The following PCSK5 variants were observed in gnomAD, a reference collection of about 807,000 sequenced individuals.
The protein encoded by PCSK5 is prohormone convertase 5.
PCSK5 carries 129 observed loss-of-function variants against 233.2 expected under a neutral mutation model. That is an observed-to-expected ratio of 0.55 (90% CI 0.48 to 0.64). PCSK5 has a LOEUF of 0.64. Among genes scored for constraint, PCSK5 ranks in the 30% least tolerant of loss-of-function variants. The pLI, the probability that PCSK5 is intolerant of heterozygous loss-of-function variation, is 0.00. For synonymous variants in PCSK5, 825 were observed against 879.2 expected (o/e 0.94, Z 1.09); for missense variants, 2,076 against 2,430.1 (o/e 0.85, Z 3.06).
chr9:76,315,910 G>T (rs1479828112), intron 30 of PCSK5, among the ~76,000 whole-genome samples: 2 of 147,362 alleles, frequency 1.4e-5, no homozygotes, highest in Non-Finnish European at 3.0e-5. Context: ...AGGATTACAG[G>T]CATGAGCCAC....
chr9:76,131,359 C>T (rs1822755498), intron 9 of PCSK5, among the ~76,000 whole-genome samples: 1 of 152,052 alleles, frequency 6.6e-6, no homozygotes, highest in South Asian at 2.1e-4. Flanking sequence ...ATTCCAGGTC[C>T]ACTGGTTTTT....
intron 32 of PCSK5, among the ~76,000 whole-genome samples, chr9:76,324,073 G>A (rs1463852131): frequency 6.6e-6 from 1 of 151,696 alleles, no homozygotes; most frequent in Non-Finnish European, 1.5e-5. Flanking sequence ...CTACAGGCGT[G>A]TGCCACCACG....
intron 24 of PCSK5, among the ~76,000 whole-genome samples, chr9:76,242,624 G>C (rs1564130364): frequency 6.6e-6 from 1 of 152,206 alleles, no homozygotes; most frequent in African/African-American, 2.4e-5. Context: ...TGAAGTGATA[G>C]AAGATGAGTT....
intron 7 of PCSK5, among the ~76,000 whole-genome samples, chr9:76,082,752 A>G (rs1267449692): frequency 6.6e-6 from 1 of 151,984 alleles, no homozygotes; most frequent in Non-Finnish European, 1.5e-5. Context: ...TGCAATCGAT[A>G]TTCATCAGCA....
At chr9:75,922,075 G>A (rs1823282269) in intron 1 of PCSK5, among the ~76,000 whole-genome samples, 1 of 152,190 alleles carries the variant, frequency 6.6e-6, no homozygotes, top group Non-Finnish European at 1.5e-5. Context: ...TCTGTCTGCA[G>A]TGTCTTTGGA....
intron 3 of PCSK5, among the ~76,000 whole-genome samples, chr9:75,992,761 C>G (rs1417295337): frequency 6.6e-6 from 1 of 152,094 alleles, no homozygotes. Flanking sequence ...ATTTAATATG[C>G]ATTATTTAAA....
chr9:76,163,656 TA>T (rs1822964166), intron 12 of PCSK5, among the ~76,000 whole-genome samples: 2 of 150,896 alleles, frequency 1.3e-5, no homozygotes, highest in African/African-American at 4.9e-5. Context: ...TTTACTTCCA[TA>T]AAGAGCATGG....
intron 35 of PCSK5, among the ~76,000 whole-genome samples, chr9:76,345,299 C>T (rs1829947880): frequency 6.6e-6 from 1 of 151,990 alleles, no homozygotes; most frequent in Non-Finnish European, 1.5e-5. Flanking sequence ...GTGATGCAAT[C>T]TTGGCTCACC....
chr9:76,021,294 G>A lies in PCSK5; in HGVS notation c.412-2444G>A, dbSNP rs1259298182. 9.2e-5 allele frequency among the ~76,000 whole-genome samples: 14 copies of A among 152,202 alleles called. No homozygotes were observed. In the East Asian group the frequency reaches 9.7e-4, roughly 11 times the overall value. On this transcript the variant is annotated intron_variant, in intron 3 of 37. Transcript: ENST00000674117. ...ACAGTTTGGCACAATTCACTGGGTC[G>A]TTGTTGGATTGCATAGAACAGAGAG...
chr9:75,924,943 T>G (rs1364206698), intron 1 of PCSK5, among the ~76,000 whole-genome samples: 1 of 152,156 alleles, frequency 6.6e-6, no homozygotes, highest in Non-Finnish European at 1.5e-5. Flanking sequence ...TTCTCATGTG[T>G]AGACTAGGGA....
Position 75,911,186 on chromosome 9 carries a change from C to A in PCSK5, c.192+19813C>A, listed in dbSNP as rs150818138. Among the ~76,000 whole-genome samples the A allele has an allele frequency of 1.1e-3, 127 of 117,846 alleles. 2 individuals are homozygous for A. In the East Asian group the frequency reaches 0.033, roughly 30 times the overall value. The allele number at this position is 117,846 out of a possible 152,430, so 77.3% of individuals were successfully genotyped here. A position where few individuals can be genotyped will look rare whatever the true frequency, so the allele number is the denominator to read the frequency against. ...CTATTTTGAAATAATTGATACATTG[C>A]GTGTGAACATATAGGTTTTTTTTTT... On this transcript the variant is annotated intron_variant, in intron 1 of 37. Transcript: ENST00000674117.
At chr9:76,083,510 T>G (rs1282353235) in intron 7 of PCSK5, among the ~76,000 whole-genome samples, 1 of 152,224 alleles carries the variant, frequency 6.6e-6, no homozygotes, top group East Asian at 1.9e-4. Context: ...TCAGGATCAT[T>G]GGCCCCTTTA....
Position 75,949,487 on chromosome 9 carries a change from A to G in PCSK5, c.297+17004A>G, listed in dbSNP as rs576131641. On this transcript the variant is annotated intron_variant, in intron 2 of 37. Transcript: ENST00000674117. ...TGTGTAACCATTGTTTATTTTGCCAATATTTATGTTGGGACAGTTGTTTAT... is the reference window on the plus strand; with the variant it reads ...TGTGTAACCATTGTTTATTTTGCCAGTATTTATGTTGGGACAGTTGTTTAT... Among the ~76,000 whole-genome samples the G allele has an allele frequency of 3.7e-3, 556 of 152,100 alleles. 3 individuals are homozygous for G. Among genetic ancestry groups the G allele is most frequent in the Admixed American group, 8.4e-3 (129 of 15,274 alleles).
Position 76,358,767 on chromosome 9 carries a change from T to G in PCSK5, c.5509T>G (p.Tyr1837Asp). ...TSFEEDQVIE[Y>D]RDRDYDEDDD... The stretch of plus-strand genomic sequence containing the variant: ...CTTTGAAGAGGATCAGGTGATTGAG[T>G]ACAGGGATCGGGACTATGATGAGGA... The change falls in exon 38 of 38, where the codon TAC becomes GAC. Residue 1837 changes from tyrosine (Y) to aspartate (D), a missense_variant. By Grantham distance (160) the Tyr-to-Asp change is radical (BLOSUM62 -3). Coordinates refer to ENST00000674117, the MANE Select transcript of PCSK5 (RefSeq NM_001372043.1). 1 of 1,612,850 alleles carries G rather than the reference T, an allele frequency of 6.2e-7. No individual in the cohort carries two copies.
At chr9:76,047,149 T>G (rs1033272060) in intron 5 of PCSK5, among the ~76,000 whole-genome samples, 6 of 150,544 alleles carry the variant, frequency 4.0e-5, no homozygotes, top group Non-Finnish European at 5.9e-5. Context: ...CATGCTGGAG[T>G]GCAATGGTGA....
chr9:76,115,244 A>G (rs149079902), intron 9 of PCSK5, among the ~76,000 whole-genome samples: 77 of 152,240 alleles, frequency 5.1e-4, no homozygotes, highest in Middle Eastern at 6.8e-3. Flanking sequence ...TCTGGCAATT[A>G]TTGACTGTCC....
At position 76,159,158 on chromosome 9, in the gene PCSK5, CT is replaced by C; in HGVS notation, c.1610del (p.Leu537TrpfsTer19). On this transcript the variant is annotated frameshift_variant, in exon 12 of 38. Coordinates refer to ENST00000674117, the MANE Select transcript of PCSK5 (RefSeq NM_001372043.1). LOFTEE classifies it high-confidence loss of function. ...LTSPSGTRSQ[L>X]LANRLFDHSM... ...CTCGCCCTCTGGAACTAGGTCTCAG[CT>C]TTTGGCCAACAGGTACAGCAGTGGT... 6.2e-7 allele frequency: 1 copy of C among 1,614,008 alleles called. No individual in the cohort carries two copies. Among genetic ancestry groups the C allele is most frequent in the East Asian group, 2.2e-5 (1 of 44,842 alleles).
chr9:75,961,737 G>A (rs192555904), intron 2 of PCSK5, among the ~76,000 whole-genome samples: 4 of 152,286 alleles, frequency 2.6e-5, no homozygotes, highest in Admixed American at 1.3e-4. Flanking sequence ...GGCAGAGAAC[G>A]TAAAATAGCT....
intron 32 of PCSK5, among the ~76,000 whole-genome samples, chr9:76,325,004 G>A (rs1398055592): frequency 6.6e-6 from 1 of 152,130 alleles, no homozygotes; most frequent in Non-Finnish European, 1.5e-5. Context: ...ATGTGTCTCG[G>A]TCCTGAAGGC....
Sources: gnomAD v4.1 joint callset for allele counts (sites outside exome capture counted in the v4.1 genomes callset) on GRCh38, gnomAD v4.1.1 for gene constraint, MANE v1.5 for transcripts, NCBI Gene and HGNC (gene_info 2026-07-23, HGNC 2026-07-21) for gene names.